The following B3GALT1 variants were observed in gnomAD, a reference collection of about 807,000 sequenced individuals.
B3GALT1 encodes the protein UDP-Gal:betaGlcNAc beta 1,3-galactosyltransferase, polypeptide 1.
Under a neutral mutation model 23.2 loss-of-function variants are expected in B3GALT1, and 10 were observed. The observed-to-expected ratio is 0.43, with a 90% confidence interval of 0.27 to 0.73. The LOEUF is 0.73. Ranked by LOEUF, B3GALT1 falls within the 30% of genes least tolerant of loss-of-function variation. The pLI is 0.21. For missense variants in B3GALT1, 299 were observed against 405.4 expected (o/e 0.74, Z 2.25); for synonymous variants, 156 against 141.5 (o/e 1.10, Z -0.73).
intron 2 of B3GALT1, among the ~76,000 whole-genome samples, chr2:167,500,693 A>G (rs910869316): frequency 1.3e-5 from 2 of 152,170 alleles, no homozygotes; most frequent in African/African-American, 2.4e-5. Context: ...GCCTATTGCT[A>G]TATTTTTATG....
intron 4 of B3GALT1, among the ~76,000 whole-genome samples, 80 bp downstream of exon 4, chr2:167,818,873 A>G (rs1320470369): frequency 6.6e-6 from 1 of 152,262 alleles, no homozygotes; most frequent in Non-Finnish European, 1.5e-5. Flanking sequence ...CAGCAACTCT[A>G]CAAAATCAGA....
At chr2:167,728,551 C>T (rs528093261) in intron 3 of B3GALT1, among the ~76,000 whole-genome samples, 1 of 152,294 alleles carries the variant, frequency 6.6e-6, no homozygotes, top group Non-Finnish European at 1.5e-5. Context: ...TTTATAGCTA[C>T]ATTTGCTCAT....
intron 3 of B3GALT1, among the ~76,000 whole-genome samples, chr2:167,728,977 C>T (rs1431061577): frequency 6.6e-6 from 1 of 152,124 alleles, no homozygotes; most frequent in Non-Finnish European, 1.5e-5. Context: ...TTCTTCTTAG[C>T]CCTTATTTTA....
intron 2 of B3GALT1, among the ~76,000 whole-genome samples, chr2:167,560,444 C>T (rs1242917584): frequency 2.0e-5 from 3 of 151,810 alleles, no homozygotes; most frequent in Non-Finnish European, 4.4e-5. Context: ...GGATCAGATT[C>T]ACACATAACA....
intron 1 of B3GALT1, among the ~76,000 whole-genome samples, chr2:167,477,361 C>T (rs1184698058): frequency 2.6e-5 from 4 of 152,132 alleles, no homozygotes; most frequent in African/African-American, 4.8e-5. Context: ...TACACATTTG[C>T]CACTCCAGGC....
At chr2:167,867,630 T>C (rs1690260568) in intron 4 of B3GALT1, among the ~76,000 whole-genome samples, 1 of 152,240 alleles carries the variant, frequency 6.6e-6, no homozygotes, top group South Asian at 2.1e-4. Context: ...TTTCAATCTA[T>C]ATTCCCAATT....
intron 1 of B3GALT1, among the ~76,000 whole-genome samples, chr2:167,333,293 A>G (rs1329106088): frequency 6.6e-6 from 1 of 152,234 alleles, no homozygotes; most frequent in Non-Finnish European, 1.5e-5. Flanking sequence ...GAAGCTCCCT[A>G]GTTTACTTCA....
chr2:167,867,840 T>A (rs1690264363), intron 4 of B3GALT1, among the ~76,000 whole-genome samples: 1 of 152,190 alleles, frequency 6.6e-6, no homozygotes, highest in Non-Finnish European at 1.5e-5. Context: ...TTTTAAAAGT[T>A]CTAGAAAGCA....
At chr2:167,368,065 A>G (rs958021548) in intron 1 of B3GALT1, among the ~76,000 whole-genome samples, 3 of 152,222 alleles carry the variant, frequency 2.0e-5, no homozygotes, top group Non-Finnish European at 4.4e-5. Context: ...AAGAGGACCA[A>G]ATAGCTATGA....
intron 1 of B3GALT1, among the ~76,000 whole-genome samples, chr2:167,472,683 C>T (rs1699434271): frequency 6.6e-6 from 1 of 152,118 alleles, no homozygotes; most frequent in African/African-American, 2.4e-5. Flanking sequence ...CCGTGCTCTT[C>T]CTTTGTCAGA....
At chr2:167,651,696 A>T (rs78826139) in intron 3 of B3GALT1, among the ~76,000 whole-genome samples, 5,518 of 152,258 alleles carry the variant, frequency 0.036, 200 homozygotes, top group African/African-American at 0.089. Flanking sequence ...GATTCCTTTT[A>T]TCAAAGACTC....
chr2:167,760,130 A>G (rs560584860), intron 3 of B3GALT1, among the ~76,000 whole-genome samples: 1 of 152,196 alleles, frequency 6.6e-6, no homozygotes, highest in South Asian at 2.1e-4. Flanking sequence ...GGATACTGCC[A>G]TACTTAGTTT....
intron 1 of B3GALT1, among the ~76,000 whole-genome samples, chr2:167,366,087 T>C (rs1167596980): frequency 6.6e-6 from 1 of 152,192 alleles, no homozygotes; most frequent in African/African-American, 2.4e-5. Flanking sequence ...TGAAAAAATA[T>C]TTGAGAGACT....
At chr2:167,572,174 A>G (rs961215005) in intron 2 of B3GALT1, among the ~76,000 whole-genome samples, 2 of 151,892 alleles carry the variant, frequency 1.3e-5, no homozygotes, top group Non-Finnish European at 2.9e-5. Flanking sequence ...TTTCATTTAC[A>G]TTATTAATAC....
chr2:167,293,234 C>CGGGGCA lies in B3GALT1; in HGVS notation c.-609_-604dup, dbSNP rs1379344710. On this transcript the variant is annotated 5_prime_UTR_variant, in exon 1 of 5. Transcript: ENST00000392690. ...GAGAAGTGATGCTGGCGCCGGGGAT[C>CGGGGCA]GGGGCAGCGGCAGCGGAGCAGCAGC... The CGGGGCA allele has an allele frequency of 2.0e-5, 3 of 152,038 alleles. No individual in the cohort carries two copies. The highest frequency in any genetic ancestry group is 2.9e-5 in the Non-Finnish European group (2 of 67,996). The allele number at this position is 152,038 out of a possible 1,614,324, so 9.4% of individuals were successfully genotyped here. A position where few individuals can be genotyped will look rare whatever the true frequency, so the allele number is the denominator to read the frequency against.
intron 1 of B3GALT1, among the ~76,000 whole-genome samples, chr2:167,461,318 C>T (rs951016351): frequency 6.6e-6 from 1 of 152,152 alleles, no homozygotes; most frequent in African/African-American, 2.4e-5. Context: ...CCACAATTTG[C>T]CATTCAGTCA....
chr2:167,470,171 G>T (rs1699403858), intron 1 of B3GALT1, among the ~76,000 whole-genome samples: 1 of 152,078 alleles, frequency 6.6e-6, no homozygotes, highest in South Asian at 2.1e-4. Context: ...TACCCATAGG[G>T]TGTGTGTTTG....
At chr2:167,689,140 C>CAA (rs35745682) in intron 3 of B3GALT1, among the ~76,000 whole-genome samples, 28 of 137,540 alleles carry the variant, frequency 2.0e-4, no homozygotes, top group African/African-American at 7.0e-4. Context: ...CCAAAAAGAC[C>CAA]AAAAAAAAAA....
chr2:167,539,649 A>G (rs1198460944), intron 2 of B3GALT1, among the ~76,000 whole-genome samples: 4 of 152,156 alleles, frequency 2.6e-5, no homozygotes, highest in Non-Finnish European at 5.9e-5. Context: ...AATCACTTGC[A>G]GAGCTATACT....
Sources: allele counts gnomAD v4.1 joint callset (sites outside exome capture counted in the v4.1 genomes callset), GRCh38; gene constraint gnomAD v4.1.1; transcripts MANE v1.5; gene names NCBI Gene and HGNC (gene_info 2026-07-23, HGNC 2026-07-21).